Variants in TASP1 observed in about 807,000 individuals in gnomAD.
The protein encoded by TASP1 is taspase 1.
A neutral mutation model predicts 56.6 loss-of-function variants in TASP1; 16 were observed. The ratio of observed to expected loss-of-function variants is 0.28; its 90% CI spans 0.19 to 0.43. The LOEUF (loss-of-function observed/expected upper bound fraction) is 0.43. Ranked by LOEUF, TASP1 falls within the 20% of genes least tolerant of loss-of-function variation. The pLI, the probability that TASP1 is intolerant of heterozygous loss-of-function variation, is 1.00. For synonymous variants in TASP1, 179 were observed against 184.2 expected (o/e 0.97, Z 0.23); for missense variants, 393 against 511.6 (o/e 0.77, Z 2.24).
At chr20:13,545,857 T>C (rs1007915902) in intron 8 of TASP1, among the ~76,000 whole-genome samples, 2 of 152,124 alleles carry the variant, frequency 1.3e-5, no homozygotes, top group African/African-American at 2.4e-5. Flanking sequence ...GACTTTTATC[T>C]TTCTTTCTAC....
intron 11 of TASP1, among the ~76,000 whole-genome samples, chr20:13,469,792 CTTTTTTTTTTTTTTTTTTTTT>C (rs546419566): frequency 1.8e-4 from 7 of 39,506 alleles, no homozygotes; most frequent in African/African-American, 3.5e-4. Context: ...AATAAATGTC[CTTTTTTTTTTTTTTTTTTTTT>C]TTTTTTTTTT....
At chr20:13,531,355 G>T (rs554950602) in intron 9 of TASP1, among the ~76,000 whole-genome samples, 2 of 152,060 alleles carry the variant, frequency 1.3e-5, no homozygotes, top group South Asian at 4.2e-4. Context: ...CTATTTGTGT[G>T]GGGGTGGGGT....
rs1346547437 is a variant in TASP1 at position 13,629,787 on chromosome 20, T to A, written c.145+147A>T. On this transcript the variant is annotated intron_variant, in intron 2 of 13. Transcript: ENST00000337743. ...GGAGTAAAGAGGGAGGTCCTCACTA[T>A]ATCCAAGTCAAACAATCGCTTTGCT... is the stretch of plus-strand genomic sequence containing the variant. 1.2e-5 allele frequency: 14 copies of A among 1,196,828 alleles called. No individual in the cohort carries two copies. The Admixed American group carries it at 2.8e-4, about 24-fold the overall frequency. 74.1% of individuals were successfully genotyped at this position (1,196,828 alleles called of 1,614,324 possible).
chr20:13,297,951 G>A, the TASP1 span, among the ~76,000 whole-genome samples: 2 of 152,134 alleles, frequency 1.3e-5, no homozygotes, highest in African/African-American at 4.8e-5. Flanking sequence ...TGAATTTGCA[G>A]ACAGCGATGG....
the TASP1 span, among the ~76,000 whole-genome samples, chr20:13,255,946 G>T: frequency 1.3e-5 from 2 of 151,488 alleles, no homozygotes; most frequent in Non-Finnish European, 2.9e-5. Context: ...TGGTGTGACT[G>T]CAGTTATAAA....
chr20:13,524,686 CT>C (rs1422375803), intron 10 of TASP1, among the ~76,000 whole-genome samples: 3 of 152,060 alleles, frequency 2.0e-5, no homozygotes, highest in African/African-American at 7.2e-5. Flanking sequence ...CTAAAATATA[CT>C]TTTTTCACAT....
chr20:13,273,344 C>T, the TASP1 span, among the ~76,000 whole-genome samples: 1 of 151,796 alleles, frequency 6.6e-6, no homozygotes, highest in Non-Finnish European at 1.5e-5. Context: ...AAGTGATCCT[C>T]CTACCTCAGC....
chr20:13,472,527 T>C (rs573241256), intron 11 of TASP1, among the ~76,000 whole-genome samples: 5 of 151,054 alleles, frequency 3.3e-5, no homozygotes, highest in African/African-American at 9.8e-5. Context: ...CAAAAGAAAC[T>C]ACCATCAGAG....
At chr20:13,277,218 G>A in the TASP1 span, among the ~76,000 whole-genome samples, 1 of 152,108 alleles carries the variant, frequency 6.6e-6, no homozygotes, top group Non-Finnish European at 1.5e-5. Context: ...GAAATTGCAG[G>A]GCACGTTTTG....
At position 13,542,562 on chromosome 20, in the gene TASP1, T is replaced by C. The variant is rs756838952; in HGVS notation, c.676-8421A>G. On this transcript the variant is annotated intron_variant, in intron 8 of 13. Transcript: ENST00000337743. The stretch of plus-strand genomic sequence containing the variant: ...TGTACCCAATTTTAGAAAAGAAAGT[T>C]TCTTTTCAGGCACAAACTGATCACA... Among the ~76,000 whole-genome samples the C allele has an allele frequency of 3.3e-5, 5 of 152,146 alleles. No homozygotes were observed. The South Asian group carries it at 8.3e-4, about 25-fold the overall frequency.
chr20:13,312,162 T>C, the TASP1 span, among the ~76,000 whole-genome samples: 2 of 152,222 alleles, frequency 1.3e-5, no homozygotes, highest in African/African-American at 2.4e-5. Context: ...TTATCTTCTG[T>C]ATATGTGATA....
intron 11 of TASP1, among the ~76,000 whole-genome samples, chr20:13,472,140 C>T (rs532922924): frequency 7.8e-4 from 117 of 150,700 alleles, no homozygotes; most frequent in Middle Eastern, 3.4e-3. Context: ...ACAGATATAC[C>T]GACCAACGGA....
chr20:13,160,539 C>G, the TASP1 span, among the ~76,000 whole-genome samples: 1 of 152,134 alleles, frequency 6.6e-6, no homozygotes, highest in Admixed American at 6.5e-5. Flanking sequence ...GTTGGAAAAC[C>G]AACAAGAACA....
intron 4 of TASP1, among the ~76,000 whole-genome samples, chr20:13,622,085 T>C (rs543746133): frequency 6.6e-6 from 1 of 152,354 alleles, no homozygotes; most frequent in African/African-American, 2.4e-5. Flanking sequence ...ATAGTTGCCA[T>C]AAATATTCAT....
chr20:13,336,726 T>C, the TASP1 span, among the ~76,000 whole-genome samples: 1 of 151,722 alleles, frequency 6.6e-6, no homozygotes, highest in South Asian at 2.1e-4. Flanking sequence ...CTGATGTCAA[T>C]GTTTTCTGCC....
At chr20:13,175,349 C>T in the TASP1 span, among the ~76,000 whole-genome samples, 1 of 152,152 alleles carries the variant, frequency 6.6e-6, no homozygotes, top group South Asian at 2.1e-4. Context: ...GAAGAGGAAC[C>T]TGAAATCATA....
At chr20:13,286,656 C>A in the TASP1 span, among the ~76,000 whole-genome samples, 1 of 152,120 alleles carries the variant, frequency 6.6e-6, no homozygotes, top group Admixed American at 6.5e-5. Context: ...GAAATCCACC[C>A]CCCACCACCC....
At chr20:13,203,487 T>C in the TASP1 span, among the ~76,000 whole-genome samples, 1 of 152,244 alleles carries the variant, frequency 6.6e-6, no homozygotes, top group South Asian at 2.1e-4. Context: ...TTTAAACTAC[T>C]GAAAGATTTT....
rs2146139331 is a variant in TASP1, at chr20:13,428,572, A to G, written c.1096+6472T>C. Among the ~76,000 whole-genome samples the G allele has an allele frequency of 1.3e-5, 2 of 152,302 alleles. 1 individual carries two copies. Among genetic ancestry groups the G allele is most frequent in the South Asian group, 4.1e-4 (2 of 4,830 alleles). ...TTTCAGCTGTTTCATTCCAGGGACA[A>G]GCATTTGCTTTGCGTTAAATCAGCG... On this transcript the variant is annotated intron_variant, in intron 12 of 13. Transcript: ENST00000337743.
Sources: gnomAD v4.1 joint callset for allele counts (sites outside exome capture counted in the v4.1 genomes callset) on GRCh38, gnomAD v4.1.1 for gene constraint, MANE v1.5 for transcripts, NCBI Gene and HGNC (gene_info 2026-07-23, HGNC 2026-07-21) for gene names.